Variants in ZNF469 observed in about 807,000 individuals in gnomAD.
ZNF469 encodes zinc finger protein 469.
In ZNF469, 1 loss-of-function variant was observed where a neutral mutation model predicts 1.0. The ratio of observed to expected loss-of-function variants is 1.00; its 90% CI spans 0.35 to 4.73. The LOEUF is 4.73. ZNF469 is among the 30% of genes most tolerant of loss of function. The probability of loss-of-function intolerance (pLI) is 0.16; values close to 1 mark genes in which losing one functional copy is unlikely to be tolerated. For synonymous variants in ZNF469, 2,703 were observed against 2,363.4 expected (o/e 1.14, Z -4.17); for missense variants, 6,100 against 5,356.3 (o/e 1.14, Z -4.33).
chr16:88,300,245 A>T, the ZNF469 span, among the ~76,000 whole-genome samples: 1 of 152,198 alleles, frequency 6.6e-6, no homozygotes, highest in Non-Finnish European at 1.5e-5. Flanking sequence ...CAGCCACTGC[A>T]GTTCGCAACA....
chr16:88,346,780 T>C, the ZNF469 span, among the ~76,000 whole-genome samples: 1 of 152,244 alleles, frequency 6.6e-6, no homozygotes, highest in Non-Finnish European at 1.5e-5. Flanking sequence ...CGGCCCTGTG[T>C]GTGCGTCCCA....
chr16:88,220,249 C>T, the ZNF469 span, among the ~76,000 whole-genome samples: 14 of 152,176 alleles, frequency 9.2e-5, no homozygotes, highest in African/African-American at 3.4e-4. Context: ...GAGGGCACTG[C>T]AGGCTCCCTT....
the ZNF469 span, among the ~76,000 whole-genome samples, chr16:88,320,556 G>T: frequency 9.2e-5 from 14 of 152,122 alleles, no homozygotes; most frequent in African/African-American, 3.1e-4. Context: ...GCTAGTTTTT[G>T]TATTTTTAGT....
At chr16:88,260,759 T>C in the ZNF469 span, among the ~76,000 whole-genome samples, 17 of 152,216 alleles carry the variant, frequency 1.1e-4, no homozygotes, top group African/African-American at 4.1e-4. The surrounding 1 kb of genome is among the most constrained non-coding windows in gnomAD (Gnocchi z 4.1). Context: ...AATGCTACTT[T>C]ACACAGAAAA....
At chr16:88,122,184 TTG>T in the ZNF469 span, among the ~76,000 whole-genome samples, 4 of 146,264 alleles carry the variant, frequency 2.7e-5, no homozygotes, top group Middle Eastern at 3.5e-3. Flanking sequence ...ACCACTCGGA[TTG>T]CATCCCGTCA....
chr16:88,104,661 T>C, the ZNF469 span, among the ~76,000 whole-genome samples: 1 of 152,238 alleles, frequency 6.6e-6, no homozygotes, highest in Non-Finnish European at 1.5e-5. Flanking sequence ...ACCCCAGATG[T>C]TCTTGTCTGA....
Position 88,437,097 on chromosome 16 carries a change from G to C in ZNF469, c.9627G>C (p.Arg3209Ser). The C allele has an allele frequency of 6.5e-7, 1 of 1,546,626 alleles. No homozygotes were observed. Among genetic ancestry groups the C allele is most frequent in the Non-Finnish European group, 8.7e-7 (1 of 1,146,338 alleles). ...TCGCCCGCAGGGGGCAGGCGCGGAG[G>C]TCCTTGGGGGACCTGCCCGGAGGCC... is the stretch of plus-strand genomic sequence containing the variant. ...VRFARRGQAR[R>S]SLGDLPGGLE... The change falls in exon 3 of 3, where the codon AGG becomes AGC. Residue 3209 changes from arginine to serine, a missense_variant. Transcript: ENST00000565624.
chr16:88,285,952 C>T, the ZNF469 span, among the ~76,000 whole-genome samples: 2 of 152,272 alleles, frequency 1.3e-5, no homozygotes, highest in East Asian at 1.9e-4. Context: ...GAAGGCCGCT[C>T]ACTCTGGCAT....
chr16:88,158,891 A>G, the ZNF469 span, among the ~76,000 whole-genome samples: 9 of 152,010 alleles, frequency 5.9e-5, no homozygotes, highest in African/African-American at 1.9e-4. Context: ...GTGGTTCTGA[A>G]CCTACTGGGG....
chr16:88,239,704 T>TAC, the ZNF469 span, among the ~76,000 whole-genome samples: 5 of 6,558 alleles, frequency 7.6e-4, no homozygotes, highest in African/African-American at 4.3e-3. Context: ...TATATATATA[T>TAC]ATATATATAT....
At chr16:88,144,367 C>T in the ZNF469 span, among the ~76,000 whole-genome samples, 2 of 152,172 alleles carry the variant, frequency 1.3e-5, no homozygotes, top group African/African-American at 2.4e-5. Context: ...CTGGCGTCAA[C>T]GTAGCTGTCT....
the ZNF469 span, among the ~76,000 whole-genome samples, chr16:88,144,854 T>C: frequency 6.6e-6 from 1 of 152,158 alleles, no homozygotes; most frequent in South Asian, 2.1e-4. Flanking sequence ...CCCCCTTTTT[T>C]TTTTTCTCTT....
the ZNF469 span, among the ~76,000 whole-genome samples, chr16:88,102,029 A>C: frequency 6.6e-6 from 1 of 151,672 alleles, no homozygotes; most frequent in Non-Finnish European, 1.5e-5. Context: ...GCTTAGCGAC[A>C]GGCCGGCCTC....
chr16:88,183,637 A>G, the ZNF469 span, among the ~76,000 whole-genome samples: 1 of 152,194 alleles, frequency 6.6e-6, no homozygotes, highest in Non-Finnish European at 1.5e-5. Context: ...GCCTGACTGC[A>G]GAGGGGCAAA....
the ZNF469 span, among the ~76,000 whole-genome samples, chr16:88,128,830 G>A: frequency 3.3e-5 from 5 of 152,232 alleles, no homozygotes; most frequent in Non-Finnish European, 4.4e-5. Flanking sequence ...CACCTGGGCC[G>A]GGAGGATCTG....
the ZNF469 span, among the ~76,000 whole-genome samples, chr16:88,319,259 C>G: frequency 6.6e-6 from 1 of 152,134 alleles, no homozygotes; most frequent in African/African-American, 2.4e-5. Context: ...TGGCCGAGAC[C>G]TGGACACCTG....
At chr16:88,335,195 G>GCTCTCCT in the ZNF469 span, among the ~76,000 whole-genome samples, 1 of 152,196 alleles carries the variant, frequency 6.6e-6, no homozygotes, top group Admixed American at 6.5e-5. Flanking sequence ...CAGGAAACCA[G>GCTCTCCT]GCCAGGCTCT....
chr16:88,306,667 C>T, the ZNF469 span, among the ~76,000 whole-genome samples: 135 of 152,286 alleles, frequency 8.9e-4, no homozygotes, highest in African/African-American at 3.1e-3. Context: ...GTAGCTCAGA[C>T]GCCTCCAGGC....
At chr16:88,395,730 G>A (rs1418329069) in intron 1 of ZNF469, among the ~76,000 whole-genome samples, 2 of 152,184 alleles carry the variant, frequency 1.3e-5, no homozygotes, top group Non-Finnish European at 2.9e-5. Flanking sequence ...AAACCTGAAG[G>A]CAGAAGCTCT....
Sources: allele counts gnomAD v4.1 joint callset (sites outside exome capture counted in the v4.1 genomes callset), GRCh38; gene constraint gnomAD v4.1.1; non-coding constraint Gnocchi (gnomAD v3.1); transcripts MANE v1.5; gene names NCBI Gene and HGNC (gene_info 2026-07-23, HGNC 2026-07-21).